The following TRPM6 variants were observed in gnomAD, a reference collection of about 807,000 sequenced individuals.
TRPM6 encodes the protein transient receptor potential cation channel subfamily M member 6, also known as channel kinase 2.
A neutral mutation model predicts 247.6 loss-of-function variants in TRPM6; 111 were observed. The observed-to-expected ratio is 0.45, with a 90% CI of 0.38 to 0.52. The LOEUF is 0.52. Among genes scored for constraint, TRPM6 ranks in the 20% least tolerant of loss-of-function variants. The probability of loss-of-function intolerance (pLI) is 0.00; values close to 1 mark genes in which losing one functional copy is unlikely to be tolerated. For missense variants in TRPM6, 2,126 were observed against 2,421.5 expected (o/e 0.88, Z 2.56); for synonymous variants, 892 against 853.8 (o/e 1.04, Z -0.78).
At chr9:74,818,357 C>T (rs1490324577) in intron 9 of TRPM6, among the ~76,000 whole-genome samples, 3 of 123,154 alleles carry the variant, frequency 2.4e-5, no homozygotes, top group Admixed American at 1.1e-4. Context: ...GGCTGGAGTG[C>T]AATGGTGCGA....
chr9:74,743,764 C>T (rs779173477), intron 32 of TRPM6, among the ~76,000 whole-genome samples: 7 of 152,176 alleles, frequency 4.6e-5, no homozygotes, highest in Non-Finnish European at 1.0e-4. Context: ...TCTGCCTTTT[C>T]CCCAGTCCAA....
At chr9:74,851,680 T>G (rs1587579586) in intron 3 of TRPM6, among the ~76,000 whole-genome samples, 1 of 149,236 alleles carries the variant, frequency 6.7e-6, no homozygotes, top group Non-Finnish European at 1.5e-5. Context: ...ACCTGGGAGG[T>G]GGAGGTTGTG....
chr9:74,853,569 T>G (rs1478706823), intron 3 of TRPM6, among the ~76,000 whole-genome samples: 1 of 152,202 alleles, frequency 6.6e-6, no homozygotes, highest in African/African-American at 2.4e-5. Context: ...CCCAACCCTG[T>G]GCTCTCTGAA....
At chr9:74,771,979 G>A (rs1290814471) in intron 24 of TRPM6, 144 bp from the exon 25 acceptor site, 2 of 763,460 alleles carry the variant, frequency 2.6e-6, no homozygotes, top group African/African-American at 3.5e-5. Flanking sequence ...TAATATTAAT[G>A]CAGAAACAGC....
chr9:74,805,130 A>G (rs932711220), intron 14 of TRPM6, among the ~76,000 whole-genome samples: 2 of 152,226 alleles, frequency 1.3e-5, no homozygotes, highest in Admixed American at 6.5e-5. Flanking sequence ...AAAATCTCCA[A>G]TCCTAATTTG....
intron 23 of TRPM6, among the ~76,000 whole-genome samples, chr9:74,777,374 G>C (rs1348122499): frequency 6.6e-6 from 1 of 152,116 alleles, no homozygotes; most frequent in Non-Finnish European, 1.5e-5. Context: ...ATCTGGGGTT[G>C]GTCACTTTGT....
intron 28 of TRPM6, among the ~76,000 whole-genome samples, chr9:74,754,745 A>G (rs1587471528): frequency 6.6e-6 from 1 of 152,194 alleles, no homozygotes; most frequent in Non-Finnish European, 1.5e-5. Context: ...ATCTAATGCA[A>G]GAAGTCCAAA....
Position 74,816,954 on chromosome 9 carries a change from A to T in TRPM6, c.1145T>A (p.Phe382Tyr). Residue 382 changes from phenylalanine to tyrosine, a missense_variant, in exon 10 of 39, where the codon TTT becomes TAT. Around this residue, in one of 3 missense-constraint regions of TRPM6, gnomAD observed 1,082 missense variants for 1,307.9 expected, o/e 0.83. Coordinates refer to ENST00000360774, the MANE Select transcript of TRPM6 (RefSeq NM_017662.5). ...CMVHRDCITI[F>Y]DADSEEQQDL... Reference sequence around the variant, plus strand: ...TTGCTGCTCTTCAGAGTCAGCATCAAATATGGTAATCTACAACAGTGAAAA... The same window carrying T: ...TTGCTGCTCTTCAGAGTCAGCATCATATATGGTAATCTACAACAGTGAAAA... 6.2e-7 allele frequency: 1 copy of T among 1,613,982 alleles called. No individual in the cohort carries two copies. Among genetic ancestry groups the T allele is most frequent in the Non-Finnish European group, 8.5e-7 (1 of 1,179,892 alleles).
chr9:74,792,845 A>G lies in TRPM6; in HGVS notation c.2392-75T>C, dbSNP rs1276692387. The G allele has an allele frequency of 3.7e-6, 5 of 1,356,406 alleles. No individual in the cohort carries two copies. In the African/African-American group the frequency reaches 4.3e-5, roughly 12 times the overall value. The allele number at this position is 1,356,406 out of a possible 1,614,324, so 84.0% of individuals were successfully genotyped here. A position where few individuals can be genotyped will look rare whatever the true frequency, so the allele number is the denominator to read the frequency against. ...AGTGACAAGCATGAACATCCAAAAA[A>G]TATCATAAATAATATATTAGAAATT... On this transcript the variant is annotated intron_variant, in intron 18 of 38. Transcript: ENST00000360774.
intron 17 of TRPM6, among the ~76,000 whole-genome samples, chr9:74,797,094 T>C (rs1244780382): frequency 6.6e-6 from 1 of 152,170 alleles, no homozygotes; most frequent in African/African-American, 2.4e-5. Flanking sequence ...GTACAAGCAT[T>C]TGCAGATAAG....
chr9:74,845,911 A>G (rs916594029), intron 3 of TRPM6, among the ~76,000 whole-genome samples: 2 of 152,240 alleles, frequency 1.3e-5, no homozygotes, highest in Non-Finnish European at 2.9e-5. Flanking sequence ...ATACAAATGT[A>G]GAGGGAAAGA....
intron 7 of TRPM6, among the ~76,000 whole-genome samples, chr9:74,823,378 G>A (rs73534369): frequency 0.011 from 1,702 of 152,262 alleles, 38 homozygotes; most frequent in African/African-American, 0.039. Flanking sequence ...AAGATAAAAG[G>A]CTAGGACATA....
chr9:74,752,390 A>G, intron 28 of TRPM6, 22 bp from the exon 29 acceptor site: 1 of 1,317,666 alleles, frequency 7.6e-7, no homozygotes. Context: ...GAAGAGAAAG[A>G]TTAGAAAATA....
rs1554680791 is a variant in TRPM6 at position 74,732,741 on chromosome 9, AAAG to A, written c.5777-8_5777-6del. The A allele has an allele frequency of 6.2e-7, 1 of 1,607,224 alleles. No individual in the cohort carries two copies. The highest frequency in any genetic ancestry group is 8.5e-7 in the Non-Finnish European group (1 of 1,176,396). On this transcript the variant is annotated splice_region_variant and splice_polypyrimidine_tract_variant and intron_variant, in intron 36 of 38. Transcript: ENST00000360774. The stretch of plus-strand genomic sequence containing the variant: ...CTGTCAAATTTTCTCCAACACCTCA[AAAG>A]AAGAAACAAAATTCGTTTAGCAAAT...
chr9:74,796,667 T>C, intron 18 of TRPM6, 74 bp downstream of exon 18: 1 of 1,507,254 alleles, frequency 6.6e-7, no homozygotes. Context: ...GCTATATAAG[T>C]AAACTTTAAG....
rs772589559 is a variant in TRPM6, at chr9:74,800,546, T to C, written c.2010-64A>G. 3.3e-4 allele frequency: 368 copies of C among 1,102,454 alleles called. 1 individual carries two copies. Among genetic ancestry groups the C allele is most frequent in the Non-Finnish European group, 4.8e-4 (349 of 723,520 alleles). The allele number at this position is 1,102,454 out of a possible 1,614,324, so 68.3% of individuals were successfully genotyped here. Reference sequence around the variant, plus strand: ...TGAGAGAGCTGCATTATTAGAAACATTTTAGAACATTTAGAAACATTGTAA... The same window carrying C: ...TGAGAGAGCTGCATTATTAGAAACACTTTAGAACATTTAGAAACATTGTAA... On this transcript the variant is annotated intron_variant, in intron 16 of 38. Transcript: ENST00000360774.
In TRPM6 at chr9:74,792,765, C is replaced by G. The variant is rs745590652; in HGVS notation, c.2397G>C (p.Glu799Asp). 8 of 1,613,662 alleles carry G rather than the reference C, an allele frequency of 5.0e-6. No homozygotes were observed. In the East Asian group the frequency reaches 1.6e-4, roughly 31 times the overall value. Residue 799 changes from glutamate (E) to aspartate (D), a missense_variant, in exon 19 of 39, where the codon GAG becomes GAC. Physicochemically the swap from Glu to Asp is conservative, Grantham distance 45. Coordinates refer to ENST00000360774, the MANE Select transcript of TRPM6 (RefSeq NM_017662.5). ...SSSKESASVKEYDLERGHDEK... is the reference protein window; with the variant it reads ...SSSKESASVKDYDLERGHDEK... Reference sequence around the variant, plus strand: ...CATCATGGCCCCTTTCCAAATCATACTCTTTCTATAAAATAAACAAATAAT... The same window carrying G: ...CATCATGGCCCCTTTCCAAATCATAGTCTTTCTATAAAATAAACAAATAAT...
intron 1 of TRPM6, among the ~76,000 whole-genome samples, chr9:74,876,970 G>T (rs748809054): frequency 6.6e-6 from 1 of 152,094 alleles, no homozygotes; most frequent in African/African-American, 2.4e-5. Context: ...AACAAATGTC[G>T]AATAAACCCA....
chr9:74,833,227 A>C (rs1829604320), intron 6 of TRPM6, among the ~76,000 whole-genome samples: 1 of 152,088 alleles, frequency 6.6e-6, no homozygotes, highest in Non-Finnish European at 1.5e-5. Context: ...ACATAGAAAA[A>C]ATTCTGAAAT....
Sources: gnomAD v4.1 joint callset for allele counts (sites outside exome capture counted in the v4.1 genomes callset) on GRCh38, gnomAD v4.1.1 for gene constraint, gnomAD v4.1.1 regional missense constraint, MANE v1.5 for transcripts, NCBI Gene and HGNC (gene_info 2026-07-23, HGNC 2026-07-21) for gene names.